Variants in OTOGL observed in about 807,000 individuals in gnomAD.
OTOGL encodes otogelin-like protein.
A neutral mutation model predicts 318.5 loss-of-function variants in OTOGL; 285 were observed. The observed-to-expected ratio is 0.89, with a 90% CI of 0.81 to 0.99. The LOEUF is 0.99. Among genes scored for constraint, OTOGL ranks in the 50% least tolerant of loss-of-function variants. The pLI, the probability that OTOGL is intolerant of heterozygous loss-of-function variation, is 0.00. For synonymous variants in OTOGL, 987 were observed against 936.5 expected (o/e 1.05, Z -0.99); for missense variants, 2,899 against 2,845.6 (o/e 1.02, Z -0.43).
At chr12:80,119,556 C>A (rs1402167907) in intron 1 of OTOGL, among the ~76,000 whole-genome samples, 2 of 152,188 alleles carry the variant, frequency 1.3e-5, no homozygotes, top group African/African-American at 2.4e-5. Context: ...TGCTTATAAA[C>A]CTTTGTTGTC....
intron 22 of OTOGL, among the ~76,000 whole-genome samples, chr12:80,268,260 T>C (rs1274732836): frequency 6.6e-6 from 1 of 152,178 alleles, no homozygotes; most frequent in African/African-American, 2.4e-5. Flanking sequence ...TACCTTGTTT[T>C]GTGCTGGCAC....
At chr12:80,372,732 A>G (rs1416164408) in intron 57 of OTOGL, among the ~76,000 whole-genome samples, 5 of 151,396 alleles carry the variant, frequency 3.3e-5, no homozygotes, top group Non-Finnish European at 5.9e-5. Context: ...TCTATTGCCC[A>G]GGCCGGGGCG....
rs780027851 is a variant in OTOGL at position 80,296,962 on chromosome 12, G to T, written c.3063+1G>T. 8 of 1,538,472 alleles carry T rather than the reference G, an allele frequency of 5.2e-6. No individual in the cohort carries two copies. The African/African-American group carries it at 1.1e-4, about 21-fold the overall frequency. On this transcript the variant is annotated splice_donor_variant, in intron 27 of 58. Transcript: ENST00000547103. LOFTEE classifies it high-confidence loss of function. ...CCTGAATGATACTCCTTACAAACAGGTTAGTGAATTATTTCTTTCAGGATC... is the reference window on the plus strand; with the variant it reads ...CCTGAATGATACTCCTTACAAACAGTTTAGTGAATTATTTCTTTCAGGATC...
intron 1 of OTOGL, among the ~76,000 whole-genome samples, chr12:80,149,766 T>C (rs1375464350): frequency 6.6e-6 from 1 of 152,040 alleles, no homozygotes; most frequent in East Asian, 1.9e-4. Flanking sequence ...GATATAATCT[T>C]GTGGTGCACC....
Position 80,378,866 on chromosome 12 carries a change from A to T in OTOGL, c.*818A>T, listed in dbSNP as rs982327956. On this transcript the variant is annotated 3_prime_UTR_variant, in exon 59 of 59. Coordinates refer to ENST00000547103, the MANE Select transcript of OTOGL (RefSeq NM_001378609.3). ...ATAGTAAGGAGCAGGGAAATATAGCATCATTTGCTAAATAGAGGAGATAGA... is the reference window on the plus strand; with the variant it reads ...ATAGTAAGGAGCAGGGAAATATAGCTTCATTTGCTAAATAGAGGAGATAGA... 1 of 152,218 alleles carries T rather than the reference A, an allele frequency of 6.6e-6. No homozygotes were observed. The highest frequency in any genetic ancestry group is 2.4e-5 in the African/African-American group (1 of 41,430). 9.4% of individuals were successfully genotyped at this position (152,218 alleles called of 1,614,324 possible).
intron 1 of OTOGL, among the ~76,000 whole-genome samples, chr12:80,115,977 C>T (rs1175649136): frequency 3.3e-5 from 5 of 150,614 alleles, no homozygotes; most frequent in African/African-American, 4.9e-5. Context: ...TGGATCTTAG[C>T]TTCCTGGGCT....
chr12:80,168,371 T>TA lies in OTOGL; in HGVS notation c.-19-41040dup, dbSNP rs1281891974. 2.0e-5 allele frequency among the ~76,000 whole-genome samples: 3 copies of TA among 152,162 alleles called. No homozygotes were observed. In the East Asian group the frequency reaches 5.8e-4, roughly 29 times the overall value. ...AGATATTTTTAAAAAATATAGCCTA[T>TA]AAGAGAACAATTTGTCCACGTATAG... On this transcript the variant is annotated intron_variant, in intron 1 of 58. Coordinates refer to ENST00000547103, the MANE Select transcript of OTOGL (RefSeq NM_001378609.3).
chr12:80,099,849 C>T (rs146202042), intron 1 of OTOGL, among the ~76,000 whole-genome samples: 57 of 152,198 alleles, frequency 3.7e-4, no homozygotes, highest in African/African-American at 1.3e-3. Flanking sequence ...TCTAAGAACC[C>T]CTGGATGTTC....
Position 80,252,064 on chromosome 12 carries a change from T to C in OTOGL, c.1160-12T>C. On this transcript the variant is annotated splice_polypyrimidine_tract_variant and intron_variant, in intron 12 of 58. Transcript: ENST00000547103. ...TAAAATTGACTTAAGCTCCCCTGTT[T>C]GTCTGTTTTAGCTGATAAATGTGAT... 1 of 1,519,658 alleles carries C rather than the reference T, an allele frequency of 6.6e-7. No individual in the cohort carries two copies. 94.1% of individuals were successfully genotyped at this position (1,519,658 alleles called of 1,614,324 possible).
At chr12:80,111,096 G>T (rs938339902) in intron 1 of OTOGL, among the ~76,000 whole-genome samples, 8 of 152,130 alleles carry the variant, frequency 5.3e-5, no homozygotes, top group Non-Finnish European at 1.0e-4. Flanking sequence ...CCCACTATTT[G>T]ATGGGGTTAT....
chr12:80,150,383 A>C (rs1399135499), intron 1 of OTOGL, among the ~76,000 whole-genome samples: 1 of 152,236 alleles, frequency 6.6e-6, no homozygotes, highest in African/African-American at 2.4e-5. Context: ...AAAGCTGTTC[A>C]AAAGAAACTT....
chr12:80,283,688 A>G (rs1322457404), intron 26 of OTOGL, among the ~76,000 whole-genome samples: 4 of 152,042 alleles, frequency 2.6e-5, no homozygotes, highest in African/African-American at 9.7e-5. Context: ...TTAAACATGA[A>G]TTTTTAGTTC....
intron 1 of OTOGL, among the ~76,000 whole-genome samples, chr12:80,102,698 A>G (rs1869212241): frequency 6.6e-6 from 1 of 151,974 alleles, no homozygotes; most frequent in African/African-American, 2.4e-5. Flanking sequence ...AATATGTCAG[A>G]CTGTGTTCTT....
chr12:80,374,644 C>CT (rs34577766), intron 57 of OTOGL, among the ~76,000 whole-genome samples: 1,643 of 150,148 alleles, frequency 0.011, 28 homozygotes, highest in African/African-American at 0.038. Context: ...TAAGATTTCA[C>CT]TTTTTTTTTT....
intron 1 of OTOGL, among the ~76,000 whole-genome samples, chr12:80,153,378 G>C (rs1049554600): frequency 1.3e-5 from 2 of 152,050 alleles, no homozygotes; most frequent in Non-Finnish European, 2.9e-5. Context: ...CCCCTCAAAG[G>C]CTCCACCTCC....
At chr12:80,162,041 A>T (rs1334067299) in intron 1 of OTOGL, among the ~76,000 whole-genome samples, 1 of 152,184 alleles carries the variant, frequency 6.6e-6, no homozygotes, top group Non-Finnish European at 1.5e-5. Context: ...TCCCCAGCAC[A>T]TATGCCACAG....
intron 2 of OTOGL, among the ~76,000 whole-genome samples, chr12:80,209,796 A>G (rs1440894884): frequency 1.3e-5 from 2 of 152,076 alleles, no homozygotes; most frequent in Non-Finnish European, 2.9e-5. Flanking sequence ...TCTTTTTTAA[A>G]TGACTGGTTA....
At chr12:80,158,404 C>T (rs894656675) in intron 1 of OTOGL, among the ~76,000 whole-genome samples, 2 of 151,628 alleles carry the variant, frequency 1.3e-5, no homozygotes, top group Non-Finnish European at 2.9e-5. Context: ...TCCATTGCAC[C>T]CAAGGGTTTA....
chr12:80,332,930 A>G, intron 37 of OTOGL, 75 bp from the exon 38 acceptor site: 1 of 1,222,814 alleles, frequency 8.2e-7, no homozygotes, highest in South Asian at 1.3e-5. Flanking sequence ...TTCTTAGCAC[A>G]GTTTCTGTCA....
Sources: gnomAD v4.1 joint callset for allele counts (sites outside exome capture counted in the v4.1 genomes callset) on GRCh38, gnomAD v4.1.1 for gene constraint, MANE v1.5 for transcripts, NCBI Gene and HGNC (gene_info 2026-07-23, HGNC 2026-07-21) for gene names.